The following TTC21A variants were observed in gnomAD, a reference collection of about 807,000 sequenced individuals.
TTC21A encodes tetratricopeptide repeat protein 21A.
TTC21A carries 128 observed loss-of-function variants against 156.4 expected under a neutral mutation model. The observed-to-expected ratio is 0.82, with a 90% CI of 0.71 to 0.95. The LOEUF is 0.95. TTC21A is among the 40% of genes least tolerant of loss of function. The pLI is 0.00. For missense variants in TTC21A, 1,435 were observed against 1,602.3 expected, an observed-to-expected ratio of 0.90 and a Z score of 1.78; for synonymous variants, 587 against 617.1, an observed-to-expected ratio of 0.95 and a Z score of 0.72.
chr3:39,109,015 C>T lies in TTC21A; in HGVS notation c.28-70C>T, dbSNP rs891303947. On this transcript the variant is annotated intron_variant, in intron 1 of 28. Transcript: ENST00000683103. ...AGGGGATAGGGAAGGGAGCAGGTCT[C>T]ATCCCATCTGGGACAGAACAGAGAC... 15 of 1,553,556 alleles carry T rather than the reference C, an allele frequency of 9.7e-6. No homozygotes were observed. In the East Asian group the frequency reaches 1.6e-4, roughly 17 times the overall value.
At chr3:39,112,365 A>G (rs1397071867) in intron 4 of TTC21A, 93 bp from the exon 5 acceptor site, 2 of 1,384,786 alleles carry the variant, frequency 1.4e-6, no homozygotes, top group Non-Finnish European at 2.0e-6. Context: ...GCAGGGCCTC[A>G]GGGTTTTGGG....
At chr3:39,108,055 A>G (rs2036387376) in intron 1 of TTC21A, 191 bp downstream of exon 1, 1 of 617,142 alleles carries the variant, frequency 1.6e-6, no homozygotes. Flanking sequence ...TGAGCCCCAA[A>G]TTAGCATCCC....
chr3:39,120,016 G>T lies in TTC21A; in HGVS notation c.896G>T (p.Arg299Leu), dbSNP rs372139365. ...CTTAAAAAAATTATTGTGGTTAGCCGACTGGTAAGAAGGTTCTTTCCTGGT... is the reference window on the plus strand; with the variant it reads ...CTTAAAAAAATTATTGTGGTTAGCCTACTGGTAAGAAGGTTCTTTCCTGGT... ...LHLKKIIVVS[R>L]LCGSHQVILG... The change falls in exon 8 of 29, where the codon CGA becomes CTA. Residue 299 changes from arginine (R) to leucine (L), a missense_variant. Physicochemically the swap from Arg to Leu is moderately radical, Grantham distance 102 (BLOSUM62 -2). Coordinates refer to ENST00000683103, the MANE Select transcript of TTC21A (RefSeq NM_001366900.1). 9.4e-6 allele frequency: 15 copies of T among 1,595,476 alleles called. No homozygotes were observed. Among genetic ancestry groups the T allele is most frequent in the Admixed American group, 1.7e-5 (1 of 59,934 alleles).
chr3:39,122,354 G>T (rs1194621089), intron 9 of TTC21A, among the ~76,000 whole-genome samples: 1 of 151,424 alleles, frequency 6.6e-6, no homozygotes, highest in East Asian at 1.9e-4. Flanking sequence ...TAGCAGCGTG[G>T]ACCAGAAACT....
Position 39,134,686 on chromosome 3 carries a change from T to C in TTC21A, c.2862+358T>C. The C allele has an allele frequency of 2.1e-6, 1 of 468,666 alleles. No individual in the cohort carries two copies. The highest frequency in any genetic ancestry group is 2.1e-5 in the South Asian group (1 of 47,032). The allele number at this position is 468,666 out of a possible 1,614,324, so 29.0% of individuals were successfully genotyped here. A position where few individuals can be genotyped will look rare whatever the true frequency, so the allele number is the denominator to read the frequency against. On this transcript the variant is annotated intron_variant, in intron 21 of 28. Transcript: ENST00000683103. This position sits in a 1 kb window ranked among gnomAD's most constrained non-coding sequence, Gnocchi z 4.6. ...CTCTCTCTTCCCTATCATCCAGACC[T>C]CCTCTAGGGCTGGCCCAGGAGCAGA...
At chr3:39,117,379 G>C (rs1423167253) in intron 6 of TTC21A, among the ~76,000 whole-genome samples, 2 of 152,262 alleles carry the variant, frequency 1.3e-5, no homozygotes, top group East Asian at 3.9e-4. Flanking sequence ...TCCCTGATAG[G>C]CTGAAAAATG....
chr3:39,136,921 G>A lies in TTC21A; in HGVS notation c.3118G>A (p.Ala1040Thr). ...CAGGCACATAGGGCAGCCCAACGAA[G>A]CCTTAAAGTTCCTGAACAAGGCACG... ...YCWHIGQPNE[A>T]LKFLNKARKD... is the part of the protein sequence containing the mutation. The change falls in exon 24 of 29, where the codon GCC becomes ACC. Residue 1040 changes from alanine (A) to threonine (T), a missense_variant. Transcript: ENST00000683103. 6.2e-7 allele frequency: 1 copy of A among 1,614,196 alleles called. No individual in the cohort carries two copies. The highest frequency in any genetic ancestry group is 1.7e-5 in the Admixed American group (1 of 60,028).
In TTC21A at chr3:39,138,541, C is replaced by A; in HGVS notation, c.3797-15C>A. On this transcript the variant is annotated splice_polypyrimidine_tract_variant and intron_variant, in intron 27 of 28. Transcript: ENST00000683103. ...ACCAGGGTGCCACCATCTTTGCTCT[C>A]CATGTCCCCGGTAGGCTTCAAACTT... 1.2e-6 allele frequency: 2 copies of A among 1,614,186 alleles called. No homozygotes were observed. The highest frequency in any genetic ancestry group is 2.2e-5 in the South Asian group (2 of 91,078).
rs781662124 is a variant in TTC21A, at chr3:39,128,830, G to A, written c.1794G>A (p.Lys598=). ...TGGTCATCAAATTGCCAGCTCTGAA[G>A]AAGGAAGAAGGCAGAAAGTTCCTCA... is the stretch of plus-strand genomic sequence containing the variant. ...LKMVIKLPAL[K]KEEGRKFLRP... is the part of the protein sequence containing the mutation. The change falls in exon 14 of 29, where the codon AAG becomes AAA. Residue 598 remains lysine, a synonymous_variant. Transcript: ENST00000683103. 2 of 1,614,224 alleles carry A rather than the reference G, an allele frequency of 1.2e-6. No individual in the cohort carries two copies. The highest frequency in any genetic ancestry group is 1.1e-5 in the South Asian group (1 of 91,080).
intron 1 of TTC21A, 140 bp downstream of exon 1, chr3:39,108,004 C>T: frequency 9.5e-7 from 1 of 1,050,506 alleles, no homozygotes; most frequent in Non-Finnish European, 1.4e-6. Flanking sequence ...TGCCCCACTC[C>T]CCCTGGCAAG....
intron 6 of TTC21A, among the ~76,000 whole-genome samples, 189 bp downstream of exon 6, chr3:39,114,931 C>T (rs2037150852): frequency 6.6e-6 from 1 of 152,088 alleles, no homozygotes; most frequent in Admixed American, 6.5e-5. Flanking sequence ...CACATGATAA[C>T]ATGAGGCTAG....
At position 39,129,276 on chromosome 3, in the gene TTC21A, C is replaced by G. The variant is rs935612788; in HGVS notation, c.2101C>G (p.Leu701Val). ...GATGGCCAACATCTACCTGCAGACC[C>G]TCAGAGACAGGCGCCTCTACATCAG... ...EKMANIYLQTLRDRRLYIRCY... is the reference protein window; with the variant it reads ...EKMANIYLQTVRDRRLYIRCY... Residue 701 changes from leucine (L) to valine (V), a missense_variant, in exon 15 of 29, where the codon CTC becomes GTC. Coordinates refer to ENST00000683103, the MANE Select transcript of TTC21A (RefSeq NM_001366900.1). The G allele has an allele frequency of 1.2e-5, 20 of 1,614,088 alleles. No individual in the cohort carries two copies. The highest frequency in any genetic ancestry group is 2.2e-5 in the East Asian group (1 of 44,904).
intron 3 of TTC21A, 37 bp from the exon 4 acceptor site, chr3:39,110,814 C>G: frequency 6.2e-7 from 1 of 1,611,778 alleles, no homozygotes. Flanking sequence ...ACTTCCACAT[C>G]CTAACTCTCC....
At position 39,112,676 on chromosome 3, in the gene TTC21A, C is replaced by G. The variant is rs527378840; in HGVS notation, c.558+96C>G. On this transcript the variant is annotated intron_variant, in intron 5 of 28. Transcript: ENST00000683103. Reference sequence around the variant, plus strand: ...CCCCCAGGCCAAACCCTCGTAGTCTCCAGATGCCTCATCTCGTAGATAAAG... The same window carrying G: ...CCCCCAGGCCAAACCCTCGTAGTCTGCAGATGCCTCATCTCGTAGATAAAG... 4.6e-6 allele frequency: 7 copies of G among 1,518,602 alleles called. No individual in the cohort carries two copies. In the South Asian group the frequency reaches 7.8e-5, roughly 17 times the overall value. 94.1% of individuals were successfully genotyped at this position (1,518,602 alleles called of 1,614,324 possible).
At chr3:39,132,405 TC>T (rs561731087) in intron 19 of TTC21A, among the ~76,000 whole-genome samples, 46 of 152,184 alleles carry the variant, frequency 3.0e-4, no homozygotes, top group African/African-American at 1.0e-3. Flanking sequence ...CTCACGTTTT[TC>T]CCCCCAGGGG....
At chr3:39,122,626 C>A (rs2037867487) in intron 9 of TTC21A, among the ~76,000 whole-genome samples, 2 of 152,202 alleles carry the variant, frequency 1.3e-5, no homozygotes, top group African/African-American at 4.8e-5. Flanking sequence ...ATGCCTTGGC[C>A]AGAGGCTAGA....
At position 39,137,300 on chromosome 3, in the gene TTC21A, G is replaced by A. The variant is rs1196123551; in HGVS notation, c.3363G>A (p.Leu1121=). 7 of 1,614,162 alleles carry A rather than the reference G, an allele frequency of 4.3e-6. No homozygotes were observed. The highest frequency in any genetic ancestry group is 1.3e-5 in the African/African-American group (1 of 75,068). ...HSDSSQTQLR[L]LQGLCRLATR... ...ACTCCAGCCAGACCCAGCTGCGGCT[G>A]CTGCAGGGCCTCTGCCGGCTGGCCA... The change falls in exon 25 of 29, where the codon CTG becomes CTA. Residue 1121 remains leucine (L), a synonymous_variant. Transcript: ENST00000683103.
chr3:39,128,994 C>G lies in TTC21A; in HGVS notation c.1896+62C>G, dbSNP rs1043966668. 3 of 1,607,002 alleles carry G rather than the reference C, an allele frequency of 1.9e-6. No individual in the cohort carries two copies. In the African/African-American group the frequency reaches 4.0e-5, roughly 22 times the overall value. On this transcript the variant is annotated intron_variant, in intron 14 of 28. Transcript: ENST00000683103. ...GCACACTGGAGGCTCAGGGTAGGCCCAGGAACCAGGTTCTTTGATTCCACC... is the reference window on the plus strand; with the variant it reads ...GCACACTGGAGGCTCAGGGTAGGCCGAGGAACCAGGTTCTTTGATTCCACC...
At chr3:39,111,386 C>T (rs1393473115) in intron 4 of TTC21A, among the ~76,000 whole-genome samples, 1 of 152,182 alleles carries the variant, frequency 6.6e-6, no homozygotes, top group Admixed American at 6.5e-5. Context: ...CTAGTTTTTA[C>T]ATTTTTTGTA....
Sources: allele counts gnomAD v4.1 joint callset (sites outside exome capture counted in the v4.1 genomes callset), GRCh38; gene constraint gnomAD v4.1.1; non-coding constraint Gnocchi (gnomAD v3.1); transcripts MANE v1.5; gene names NCBI Gene and HGNC (gene_info 2026-07-23, HGNC 2026-07-21).